The following TLCD5 variants were observed in gnomAD, a reference collection of about 807,000 sequenced individuals.
TLCD5 encodes TLC domain containing 5, also known as TLC domain-containing protein 5.
A neutral mutation model predicts 20.5 loss-of-function variants in TLCD5; 15 were observed. The ratio of observed to expected loss-of-function variants is 0.73; its 90% CI spans 0.49 to 1.13. The LOEUF is 1.13. TLCD5 is among the 50% of genes most tolerant of loss of function. The probability of loss-of-function intolerance (pLI) is 0.00; values close to 1 mark genes in which losing one functional copy is unlikely to be tolerated. For missense variants in TLCD5, 289 were observed against 305.6 expected (o/e 0.95, Z 0.41); for synonymous variants, 107 against 114.7 (o/e 0.93, Z 0.43).
intron 1 of TLCD5, among the ~76,000 whole-genome samples, chr11:120,325,768 T>A (rs935842730): frequency 6.6e-6 from 1 of 152,214 alleles, no homozygotes; most frequent in African/African-American, 2.4e-5. Flanking sequence ...GCCCTTCCGT[T>A]CTTTGGCAAA....
chr11:120,328,800 A>G (rs1427867965), intron 2 of TLCD5, among the ~76,000 whole-genome samples: 2 of 111,506 alleles, frequency 1.8e-5, no homozygotes, highest in African/African-American at 3.2e-5. Context: ...TTGTATATGT[A>G]TGCATATCTG....
rs372154837 is a variant in TLCD5 at position 120,330,363 on chromosome 11, G to A, written c.586G>A (p.Gly196Arg). The A allele has an allele frequency of 2.5e-6, 4 of 1,613,436 alleles. No homozygotes were observed. The South Asian group carries it at 3.3e-5, about 13-fold the overall frequency. Reference sequence around the variant, plus strand: ...CACGCCTAAGTGGTTTGTGAAGGCTGGGGGAGTAGCGATGTATGCTGTGTC... The same window carrying A: ...CACGCCTAAGTGGTTTGTGAAGGCTAGGGGAGTAGCGATGTATGCTGTGTC... ...SPTPKWFVKA[G>R]GVAMYAVSWC... Residue 196 changes from glycine to arginine, a missense_variant, in exon 3 of 3, where the codon GGG becomes AGG. Transcript: ENST00000375095.
At chr11:120,329,340 T>C (rs898039952) in intron 2 of TLCD5, among the ~76,000 whole-genome samples, 1 of 152,222 alleles carries the variant, frequency 6.6e-6, no homozygotes, top group Admixed American at 6.5e-5. Context: ...TTAGCTTTTC[T>C]TACTGAATTT....
intron 2 of TLCD5, among the ~76,000 whole-genome samples, chr11:120,329,168 T>A (rs1336609650): frequency 1.3e-5 from 2 of 152,054 alleles, no homozygotes; most frequent in South Asian, 4.2e-4. Context: ...ATTGGATTAC[T>A]CTAATTACCC....
chr11:120,332,095 C>T lies in TLCD5; in HGVS notation c.*1580C>T, dbSNP rs770785900. The T allele has an allele frequency of 1.3e-5, 2 of 152,062 alleles. No individual in the cohort carries two copies. Among genetic ancestry groups the T allele is most frequent in the South Asian group, 2.1e-4 (1 of 4,816 alleles). 9.4% of individuals were successfully genotyped at this position (152,062 alleles called of 1,614,324 possible). A position where few individuals can be genotyped will look rare whatever the true frequency, so the allele number is the denominator to read the frequency against. ...TAATAATTCTTAGTGTGACAGTCTCCAAGAGAAGCAAGAATATAAGCTTAG... is the reference window on the plus strand; with the variant it reads ...TAATAATTCTTAGTGTGACAGTCTCTAAGAGAAGCAAGAATATAAGCTTAG... On this transcript the variant is annotated 3_prime_UTR_variant, in exon 3 of 3. Coordinates refer to ENST00000375095, the MANE Select transcript of TLCD5 (RefSeq NM_001198671.2). The surrounding 1 kb of genome is among the most constrained non-coding windows in gnomAD (Gnocchi z 4.2).
intron 1 of TLCD5, chr11:120,327,194 G>C (rs1942020283): frequency 1.6e-6 from 1 of 622,470 alleles, no homozygotes; most frequent in Admixed American, 3.0e-5. Flanking sequence ...CCAGCTCGGA[G>C]TGCAGTTCCT....
chr11:120,329,908 C>G, intron 2 of TLCD5, 69 bp from the exon 3 acceptor site: 6 of 1,503,214 alleles, frequency 4.0e-6, no homozygotes, highest in Non-Finnish European at 4.5e-6. Flanking sequence ...AAGACAACAA[C>G]ATAGGATCCC....
intron 1 of TLCD5, among the ~76,000 whole-genome samples, chr11:120,325,634 C>T (rs1024284810): frequency 6.6e-6 from 1 of 151,608 alleles, no homozygotes; most frequent in African/African-American, 2.4e-5. Flanking sequence ...CCCTGCGAGG[C>T]CCCGGGGCCC....
chr11:120,328,773 T>TGTGTGTGTGTGTGCGC (rs1388398001), intron 2 of TLCD5, among the ~76,000 whole-genome samples: 1 of 65,530 alleles, frequency 1.5e-5, no homozygotes, highest in Non-Finnish European at 3.1e-5. Context: ...TGTGTGTGTG[T>TGTGTGTGTGTGTGCGC]GTGTGCGCGT....
chr11:120,327,025 T>G, intron 1 of TLCD5: 1 of 252,660 alleles, frequency 4.0e-6, no homozygotes, highest in South Asian at 5.7e-5. Context: ...AACGTGGCAG[T>G]GTTCTGTTTT....
At chr11:120,329,713 T>C (rs1942105355) in intron 2 of TLCD5, among the ~76,000 whole-genome samples, 1 of 152,230 alleles carries the variant, frequency 6.6e-6, no homozygotes, top group Non-Finnish European at 1.5e-5. Context: ...CTGAGATTAT[T>C]GCCTGTGTTC....
At chr11:120,327,250 G>T in intron 1 of TLCD5, 191 bp from the exon 2 acceptor site, 1 of 1,009,260 alleles carries the variant, frequency 9.9e-7, no homozygotes. Context: ...TGTTATCTCT[G>T]AGGAACTTGG....
chr11:120,329,632 A>T (rs1256896941), intron 2 of TLCD5, among the ~76,000 whole-genome samples: 2 of 152,216 alleles, frequency 1.3e-5, no homozygotes, highest in African/African-American at 2.4e-5. Context: ...AGTAAAAAAA[A>T]AAAATAAAGT....
intron 2 of TLCD5, 60 bp downstream of exon 2, chr11:120,327,700 A>T: frequency 1.3e-6 from 2 of 1,512,522 alleles, no homozygotes; most frequent in Non-Finnish European, 1.8e-6. Context: ...GAAGTATGGG[A>T]CTTTTAAACA....
chr11:120,330,664 G>C lies in TLCD5; in HGVS notation c.*149G>C. The C allele has an allele frequency of 1.2e-6, 1 of 838,380 alleles. No individual in the cohort carries two copies. The highest frequency in any genetic ancestry group is 1.9e-5 in the South Asian group (1 of 52,432). 51.9% of individuals were successfully genotyped at this position (838,380 alleles called of 1,614,324 possible). ...TCAATTTGGTCAGTCTTCAAGCCGAGCATATACCAGTATTAAAACACTAAC... is the reference window on the plus strand; with the variant it reads ...TCAATTTGGTCAGTCTTCAAGCCGACCATATACCAGTATTAAAACACTAAC... On this transcript the variant is annotated 3_prime_UTR_variant, in exon 3 of 3. Transcript: ENST00000375095.
At position 120,328,869 on chromosome 11, in the gene TLCD5, A is replaced by G. The variant is rs4606487; in HGVS notation, c.200-1108A>G. 6.1e-3 allele frequency among the ~76,000 whole-genome samples: 332 copies of G among 54,516 alleles called. 1 individual carries two copies. The highest frequency in any genetic ancestry group is 0.011 in the Middle Eastern group (1 of 94). 35.8% of individuals were successfully genotyped at this position (54,516 alleles called of 152,430 possible). On this transcript the variant is annotated intron_variant, in intron 2 of 2. Transcript: ENST00000375095. ...TGTGTGTGTGTGTGTGTGTGTATGT[A>G]TATGTATGCATATCTGTGTCCTAAT...
chr11:120,329,887 G>T, intron 2 of TLCD5, 90 bp from the exon 3 acceptor site: 8 of 1,345,716 alleles, frequency 5.9e-6, no homozygotes, highest in South Asian at 1.4e-5. Flanking sequence ...TTAGTGTCTA[G>T]TAAGGTTTGA....
At position 120,331,185 on chromosome 11, in the gene TLCD5, C is replaced by CTTATAGTTTTGATTTATTATAGTGAA. The variant is rs1942145990; in HGVS notation, c.*671_*696dup. ...TCAGTGGACTCAGCATATAGTCTTA[C>CTTATAGTTTTGATTTATTATAGTGAA]TTATAGTTTTGATTTATTATAGTGA... is the stretch of plus-strand genomic sequence containing the variant. On this transcript the variant is annotated 3_prime_UTR_variant, in exon 3 of 3. Coordinates refer to ENST00000375095, the MANE Select transcript of TLCD5 (RefSeq NM_001198671.2). This position sits in a 1 kb window ranked among gnomAD's most constrained non-coding sequence, Gnocchi z 4.5. The CTTATAGTTTTGATTTATTATAGTGAA allele has an allele frequency of 6.6e-6, 1 of 152,110 alleles. No individual in the cohort carries two copies. The highest frequency in any genetic ancestry group is 2.4e-5 in the African/African-American group (1 of 41,402). 9.4% of individuals were successfully genotyped at this position (152,110 alleles called of 1,614,324 possible). A position where few individuals can be genotyped will look rare whatever the true frequency, so the allele number is the denominator to read the frequency against.
chr11:120,325,944 C>T (rs1287816906), intron 1 of TLCD5, among the ~76,000 whole-genome samples: 1 of 152,198 alleles, frequency 6.6e-6, no homozygotes, highest in Non-Finnish European at 1.5e-5. Flanking sequence ...TCTAAAAATA[C>T]TAATAGGCAT....
Sources: gnomAD v4.1 joint callset for allele counts (sites outside exome capture counted in the v4.1 genomes callset) on GRCh38, gnomAD v4.1.1 for gene constraint, Gnocchi (gnomAD v3.1) non-coding constraint, MANE v1.5 for transcripts, NCBI Gene and HGNC (gene_info 2026-07-23, HGNC 2026-07-21) for gene names.